HECTD4: variants seen among roughly 807,000 people sequenced by gnomAD.
HECTD4 encodes the protein HECT domain E3 ubiquitin protein ligase 4.
HECTD4 carries 114 observed loss-of-function variants against 471.5 expected under a neutral mutation model. The observed-to-expected ratio is 0.24, with a 90% confidence interval of 0.21 to 0.28. The LOEUF is 0.28. Among genes scored for constraint, HECTD4 ranks in the 10% least tolerant of loss-of-function variants. HECTD4 has a pLI of 1.00. For synonymous variants in HECTD4, 2,012 were observed against 2,256.0 expected (o/e 0.89, Z 3.07); for missense variants, 3,866 against 5,651.5 (o/e 0.68, Z 10.13).
intron 43 of HECTD4, among the ~76,000 whole-genome samples, chr12:112,227,281 G>T (rs1390503848): frequency 6.6e-6 from 1 of 152,218 alleles, no homozygotes; most frequent in East Asian, 1.9e-4. Context: ...CCAACATGGC[G>T]AGACCCCATC....
At chr12:112,300,722 C>G (rs1472268304) in intron 7 of HECTD4, among the ~76,000 whole-genome samples, 1 of 152,076 alleles carries the variant, frequency 6.6e-6, no homozygotes, top group African/African-American at 2.4e-5. Flanking sequence ...CTCAGCCTCC[C>G]GAGTAGCTAA....
rs1224290777 is a variant in HECTD4 at position 112,184,223 on chromosome 12, G to A, written c.10743C>T (p.Leu3581=). ...CGAAGCCTTTGATGGGGCGGGCGGCGAGGGGCTGGTTGTCCAGGGAAGTGA... is the reference window on the plus strand; with the variant it reads ...CGAAGCCTTTGATGGGGCGGGCGGCAAGGGGCTGGTTGTCCAGGGAAGTGA... ...YTVTSLDNQP[L]AARPIKGFAV... Residue 3581 remains leucine, a synonymous_variant, in exon 61 of 76, where the codon CTC becomes CTT. Coordinates refer to ENST00000682272, the MANE Select transcript of HECTD4 (RefSeq NM_001388303.1). The surrounding 1 kb of genome is among the most constrained non-coding windows in gnomAD (Gnocchi z 9.1). The A allele has an allele frequency of 6.8e-6, 11 of 1,612,984 alleles. No homozygotes were observed. The highest frequency in any genetic ancestry group is 1.6e-4 in the Middle Eastern group (1 of 6,062).
intron 44 of HECTD4, among the ~76,000 whole-genome samples, chr12:112,220,315 C>T (rs1260654772): frequency 6.6e-6 from 1 of 151,942 alleles, no homozygotes; most frequent in African/African-American, 2.4e-5. Context: ...AGCCAAAGCC[C>T]CTACTATGGA....
chr12:112,173,912 A>G lies in HECTD4; in HGVS notation c.11595-1051T>C, dbSNP rs2031334514. Among the ~76,000 whole-genome samples the G allele has an allele frequency of 6.6e-6, 1 of 152,068 alleles. No homozygotes were observed. Among genetic ancestry groups the G allele is most frequent in the Non-Finnish European group, 1.5e-5 (1 of 68,012 alleles). On this transcript the variant is annotated intron_variant, in intron 66 of 75. Coordinates refer to ENST00000682272, the MANE Select transcript of HECTD4 (RefSeq NM_001388303.1). This position sits in a 1 kb window ranked among gnomAD's most constrained non-coding sequence, Gnocchi z 4.3. The stretch of plus-strand genomic sequence containing the variant: ...ACAAAAGGCTGGCACCAAGCAGTAA[A>G]GCATTTCTCAATTCTGAAAATGGAT...
At position 112,286,800 on chromosome 12, in the gene HECTD4, AC is replaced by A. The variant is rs2034763957; in HGVS notation, c.1336-3499del. ...AAATCCAAATTACTGACAGGGCCTC[AC>A]AAGGGCCAATGTCTGCTGACCTCCT... On this transcript the variant is annotated intron_variant, in intron 7 of 75. Transcript: ENST00000682272. Among the ~76,000 whole-genome samples the A allele has an allele frequency of 3.3e-5, 5 of 152,302 alleles. No individual in the cohort carries two copies. The South Asian group carries it at 1.0e-3, about 32-fold the overall frequency.
chr12:112,351,457 G>C (rs1466679553), intron 1 of HECTD4, among the ~76,000 whole-genome samples: 1 of 152,156 alleles, frequency 6.6e-6, no homozygotes, highest in Non-Finnish European at 1.5e-5. Context: ...TCTTCTCTAG[G>C]TAACCAATTT....
intron 1 of HECTD4, among the ~76,000 whole-genome samples, chr12:112,335,167 G>A (rs7960180): frequency 7.9e-6 from 1 of 126,474 alleles, no homozygotes; most frequent in Non-Finnish European, 1.5e-5. Flanking sequence ...CACACACACA[G>A]ACACACACAC....
chr12:112,382,112 G>A lies in HECTD4; in HGVS notation c.17C>T (p.Ala6Val), dbSNP rs900558947. The A allele has an allele frequency of 2.5e-6, 3 of 1,220,874 alleles. No homozygotes were observed. Among genetic ancestry groups the A allele is most frequent in the African/African-American group, 3.2e-5 (2 of 62,422 alleles). The allele number at this position is 1,220,874 out of a possible 1,614,324, so 75.6% of individuals were successfully genotyped here. A position where few individuals can be genotyped will look rare whatever the true frequency, so the allele number is the denominator to read the frequency against. MGSSA[A>V]AAAAAAAAAD... ...GGCCGCCGCCGCCGCCGCCGCCGCG[G>A]CCGCCGACGAGCCCATGGCCCCGGC... The change falls in exon 1 of 76, where the codon GCC becomes GTC. Residue 6 changes from alanine to valine, a missense_variant. By Grantham distance (64) the Ala-to-Val change is moderately conservative. Around this residue, in one of 16 missense-constraint regions of HECTD4, gnomAD observed 440 missense variants for 636.0 expected, o/e 0.69. Transcript: ENST00000682272.
chr12:112,206,196 G>A (rs989713014), intron 52 of HECTD4, among the ~76,000 whole-genome samples: 1 of 152,126 alleles, frequency 6.6e-6, no homozygotes, highest in Admixed American at 6.6e-5. Flanking sequence ...GGACGTTGTG[G>A]GTGAAAGGGC....
chr12:112,271,764 T>G (rs1282145428), intron 11 of HECTD4, among the ~76,000 whole-genome samples: 1 of 152,202 alleles, frequency 6.6e-6, no homozygotes, highest in Non-Finnish European at 1.5e-5. Flanking sequence ...CATTTTTTTT[T>G]GTTGTTGTTG....
chr12:112,290,682 T>C (rs2034858760), intron 7 of HECTD4, among the ~76,000 whole-genome samples: 1 of 148,266 alleles, frequency 6.7e-6, no homozygotes, highest in African/African-American at 2.5e-5. Context: ...ACCCTGTCTC[T>C]ACTAAAAATA....
Position 112,216,391 on chromosome 12 carries a change from G to C in HECTD4, c.7386-20C>G. ...CCGTTGCTATGAAAAATACAAAGAA[G>C]GGAGGTCAAAGACAAGAAAGATAAG... is the stretch of plus-strand genomic sequence containing the variant. On this transcript the variant is annotated intron_variant, in intron 47 of 75. Coordinates refer to ENST00000682272, the MANE Select transcript of HECTD4 (RefSeq NM_001388303.1). The C allele has an allele frequency of 6.6e-7, 1 of 1,520,312 alleles. No individual in the cohort carries two copies. The highest frequency in any genetic ancestry group is 8.9e-7 in the Non-Finnish European group (1 of 1,118,442). 94.2% of individuals were successfully genotyped at this position (1,520,312 alleles called of 1,614,324 possible).
intron 4 of HECTD4, among the ~76,000 whole-genome samples, chr12:112,310,139 G>C (rs2035345267): frequency 6.6e-6 from 1 of 152,154 alleles, no homozygotes; most frequent in Admixed American, 6.5e-5. Flanking sequence ...GTAAGATGAG[G>C]ATAATAATAT....
At position 112,190,783 on chromosome 12, in the gene HECTD4, C is replaced by A. The variant is rs1273157784; in HGVS notation, c.9472+3G>T. On this transcript the variant is annotated splice_donor_region_variant and intron_variant, in intron 60 of 75. Transcript: ENST00000682272. ...TTCCGATCCCCAGGGAAGGCAGCCT[C>A]ACCTAGCAGCTCCACCACCTGCAGG... is the stretch of plus-strand genomic sequence containing the variant. 6.4e-7 allele frequency: 1 copy of A among 1,574,088 alleles called. No homozygotes were observed. Among genetic ancestry groups the A allele is most frequent in the East Asian group, 2.3e-5 (1 of 42,728 alleles).
chr12:112,296,063 T>C (rs1302681851), intron 7 of HECTD4, among the ~76,000 whole-genome samples: 1 of 152,176 alleles, frequency 6.6e-6, no homozygotes, highest in Non-Finnish European at 1.5e-5. Flanking sequence ...AGGGGGAACA[T>C]ACTTGGTGTG....
intron 62 of HECTD4, among the ~76,000 whole-genome samples, chr12:112,182,572 T>C (rs2031716924): frequency 2.6e-5 from 4 of 152,226 alleles, no homozygotes; most frequent in African/African-American, 9.6e-5. Flanking sequence ...TTACCAGCAA[T>C]GTTCTAGCTG....
At chr12:112,337,619 G>C (rs2035982643) in intron 1 of HECTD4, among the ~76,000 whole-genome samples, 1 of 152,142 alleles carries the variant, frequency 6.6e-6, no homozygotes, top group African/African-American at 2.4e-5. Context: ...ATATTAACTG[G>C]TTGATGGATG....
At chr12:112,353,253 A>AG (rs577554194) in intron 1 of HECTD4, among the ~76,000 whole-genome samples, 131 of 152,318 alleles carry the variant, frequency 8.6e-4, no homozygotes, top group African/African-American at 3.1e-3. Context: ...ATTACAATCA[A>AG]GGGGCAACTT....
chr12:112,344,990 T>G (rs1212537306), intron 1 of HECTD4, among the ~76,000 whole-genome samples: 1 of 147,820 alleles, frequency 6.8e-6, no homozygotes, highest in Non-Finnish European at 1.5e-5. Context: ...GGTACAGAGG[T>G]GCATGCCTGT....
Sources: gnomAD v4.1 joint callset for allele counts (sites outside exome capture counted in the v4.1 genomes callset) on GRCh38, gnomAD v4.1.1 for gene constraint, gnomAD v4.1.1 regional missense constraint, Gnocchi (gnomAD v3.1) non-coding constraint, MANE v1.5 for transcripts, NCBI Gene and HGNC (gene_info 2026-07-23, HGNC 2026-07-21) for gene names.